Variants in ATRNL1 observed in about 807,000 individuals in gnomAD.
ATRNL1 encodes attractin like 1.
A neutral mutation model predicts 182.7 loss-of-function variants in ATRNL1; 95 were observed. The ratio of observed to expected loss-of-function variants is 0.52; its 90% CI spans 0.44 to 0.62. ATRNL1 has a LOEUF of 0.62. Ranked by LOEUF, ATRNL1 falls within the 20% of genes least tolerant of loss-of-function variation. The pLI is 0.00. For synonymous variants in ATRNL1, 576 were observed against 568.3 expected, an observed-to-expected ratio of 1.01 and a Z score of -0.19; for missense variants, 1,471 against 1,679.5, an observed-to-expected ratio of 0.88 and a Z score of 2.17.
chr10:115,423,167 A>G (rs1845722684), intron 20 of ATRNL1, among the ~76,000 whole-genome samples: 1 of 152,170 alleles, frequency 6.6e-6, no homozygotes, highest in South Asian at 2.1e-4. Context: ...TCATTATTAT[A>G]CAATGTATGC....
intron 24 of ATRNL1, among the ~76,000 whole-genome samples, chr10:115,506,947 A>G (rs1180902279): frequency 2.0e-5 from 3 of 152,100 alleles, no homozygotes; most frequent in African/African-American, 4.8e-5. Flanking sequence ...CCTGTGACAC[A>G]GCCTCAGGAA....
intron 27 of ATRNL1, among the ~76,000 whole-genome samples, chr10:115,805,133 A>G (rs1949890018): frequency 6.6e-6 from 1 of 152,194 alleles, no homozygotes; most frequent in Non-Finnish European, 1.5e-5. Context: ...CTAATCGTAG[A>G]AGAAGCAGCC....
intron 7 of ATRNL1, among the ~76,000 whole-genome samples, chr10:115,169,018 T>C (rs1474254503): frequency 1.7e-5 from 2 of 117,610 alleles, no homozygotes; most frequent in East Asian, 4.3e-4. Context: ...GTGCAAGTTC[T>C]TTTTTTTTTT....
chr10:115,727,583 G>T (rs1187383125), intron 27 of ATRNL1, among the ~76,000 whole-genome samples: 1 of 152,178 alleles, frequency 6.6e-6, no homozygotes, highest in Admixed American at 6.5e-5. Flanking sequence ...GTGACAGACT[G>T]CTCACCTGGC....
intron 26 of ATRNL1, among the ~76,000 whole-genome samples, chr10:115,563,576 T>C (rs1474136371): frequency 1.3e-5 from 2 of 152,166 alleles, no homozygotes; most frequent in African/African-American, 2.4e-5. Context: ...TATATTCTAC[T>C]GGTTCTAATT....
intron 26 of ATRNL1, 70 bp from the exon 27 acceptor site, chr10:115,727,178 A>C: frequency 9.5e-7 from 1 of 1,052,502 alleles, no homozygotes; most frequent in Non-Finnish European, 1.5e-6. Flanking sequence ...TAAAAGAGGG[A>C]ACCAGATATT....
intron 9 of ATRNL1, among the ~76,000 whole-genome samples, chr10:115,230,101 C>A (rs1002694549): frequency 6.6e-6 from 1 of 152,052 alleles, no homozygotes; most frequent in Non-Finnish European, 1.5e-5. Context: ...TTTAGTTTTT[C>A]TGTTTTTAAA....
rs368279126 is a variant in ATRNL1, at chr10:115,164,973, A to G, written c.1005-585A>G. 1.6e-3 allele frequency among the ~76,000 whole-genome samples: 236 copies of G among 152,092 alleles called. 1 individual carries two copies. The highest frequency in any genetic ancestry group is 5.4e-3 in the African/African-American group (225 of 41,528). On this transcript the variant is annotated intron_variant, in intron 6 of 28. Transcript: ENST00000355044. ...TTTCAAAATAGCTAGAAGAGAAGAA[A>G]TGTTATGCTCCCAACACAAAGAAGA... is the stretch of plus-strand genomic sequence containing the variant.
At chr10:115,619,962 A>C (rs1555022133) in intron 26 of ATRNL1, among the ~76,000 whole-genome samples, 1 of 152,224 alleles carries the variant, frequency 6.6e-6, no homozygotes, top group African/African-American at 2.4e-5. Flanking sequence ...AATTAAGAAG[A>C]TAGAGGTGTT....
intron 26 of ATRNL1, among the ~76,000 whole-genome samples, chr10:115,604,622 T>TA (rs1411215352): frequency 4.6e-4 from 70 of 152,256 alleles, no homozygotes; most frequent in African/African-American, 1.3e-3. Flanking sequence ...TTAGACCTCT[T>TA]ACTCCTTAAG....
In ATRNL1 at chr10:115,213,063, T is replaced by C. The variant is rs556836612; in HGVS notation, c.1349-2634T>C. Among the ~76,000 whole-genome samples, 7 of 152,252 alleles carry C rather than the reference T, an allele frequency of 4.6e-5. No individual in the cohort carries two copies. The East Asian group carries it at 1.2e-3, about 25-fold the overall frequency. On this transcript the variant is annotated intron_variant, in intron 8 of 28. Transcript: ENST00000355044. ...TTATCATGGCTACTTTAAAATTCTT[T>C]TTAGATAATTTTAACATCTGATCCA... is the stretch of plus-strand genomic sequence containing the variant.
chr10:115,745,421 A>G (rs1948263182), intron 27 of ATRNL1, among the ~76,000 whole-genome samples: 1 of 152,172 alleles, frequency 6.6e-6, no homozygotes, highest in Admixed American at 6.6e-5. Flanking sequence ...CTGTAAATAA[A>G]GCTATCATTA....
intron 9 of ATRNL1, among the ~76,000 whole-genome samples, chr10:115,240,510 T>A (rs1045090771): frequency 7.9e-5 from 12 of 152,082 alleles, no homozygotes; most frequent in African/African-American, 2.9e-4. Flanking sequence ...CGCCTTGGCC[T>A]CTCAAAGTGC....
chr10:115,582,194 G>A (rs1458682328), intron 26 of ATRNL1, among the ~76,000 whole-genome samples: 183 of 140,996 alleles, frequency 1.3e-3, no homozygotes, highest in African/African-American at 4.3e-3. Flanking sequence ...AAATAGTGCC[G>A]CAGTAAACAT....
At chr10:115,619,820 A>T (rs1411551921) in intron 26 of ATRNL1, among the ~76,000 whole-genome samples, 1 of 152,184 alleles carries the variant, frequency 6.6e-6, no homozygotes, top group African/African-American at 2.4e-5. Context: ...CACCTGGATT[A>T]CTTATAAAAA....
At chr10:115,534,577 CTT>C (rs1851838085) in intron 25 of ATRNL1, among the ~76,000 whole-genome samples, 1 of 152,234 alleles carries the variant, frequency 6.6e-6, no homozygotes, top group Non-Finnish European at 1.5e-5. Context: ...CAGTCTGTGT[CTT>C]TTAATTGGAG....
At chr10:115,526,750 A>G (rs1851238005) in intron 25 of ATRNL1, among the ~76,000 whole-genome samples, 1 of 152,082 alleles carries the variant, frequency 6.6e-6, no homozygotes, top group Admixed American at 6.5e-5. Context: ...TGTTAGGGGA[A>G]CTTCTGTGAG....
chr10:115,205,071 T>C (rs899573813), intron 8 of ATRNL1, among the ~76,000 whole-genome samples: 2 of 152,100 alleles, frequency 1.3e-5, no homozygotes, highest in Non-Finnish European at 2.9e-5. Flanking sequence ...GTTTTTGGTG[T>C]GACGATTTAT....
At chr10:115,139,324 C>T (rs1845660285) in intron 5 of ATRNL1, among the ~76,000 whole-genome samples, 1 of 152,192 alleles carries the variant, frequency 6.6e-6, no homozygotes, top group Admixed American at 6.5e-5. Flanking sequence ...CTCCACTCTA[C>T]TGGTACCAAT....
Sources: allele counts gnomAD v4.1 joint callset (sites outside exome capture counted in the v4.1 genomes callset), GRCh38; gene constraint gnomAD v4.1.1; transcripts MANE v1.5; gene names NCBI Gene and HGNC (gene_info 2026-07-23, HGNC 2026-07-21).